CSF1R: variants seen among roughly 807,000 people sequenced by gnomAD.
CSF1R encodes colony stimulating factor 1 receptor.
In CSF1R, 40 loss-of-function variants were observed where a neutral mutation model predicts 110.0. That is an observed-to-expected ratio of 0.36 (90% CI 0.28 to 0.47). The LOEUF is 0.47. CSF1R is among the 20% of genes least tolerant of loss of function. The pLI, the probability that CSF1R is intolerant of heterozygous loss-of-function variation, is 0.99. For missense variants in CSF1R, 1,052 were observed against 1,253.0 expected, an observed-to-expected ratio of 0.84 and a Z score of 2.42; for synonymous variants, 523 against 503.4, an observed-to-expected ratio of 1.04 and a Z score of -0.52.
upstream of CSF1R, among the ~76,000 whole-genome samples, chr5:150,089,991 T>C (rs570288549): frequency 6.6e-6 from 1 of 152,144 alleles, no homozygotes; most frequent in East Asian, 1.9e-4. Context: ...AAGAATGAAG[T>C]TGAATCCTTA....
At position 150,056,245 on chromosome 5, in the gene CSF1R, C is replaced by T. The variant is rs748825247; in HGVS notation, c.2416G>A (p.Asp806Asn). The T allele has an allele frequency of 1.2e-6, 2 of 1,614,194 alleles. No homozygotes were observed. Among genetic ancestry groups the T allele is most frequent in the East Asian group, 4.5e-5 (2 of 44,872 alleles). The change falls in exon 17 of 21, where the codon GAC becomes AAC. Residue 806 changes from aspartate to asparagine, a missense_variant. Physicochemically the swap from Asp to Asn is conservative, Grantham distance 23. Transcript: ENST00000675795. ...TTGCCCTTGACAATGTAGTTGGAGT[C>T]ATTCATGATGTCCCTAGCCAGCCCG... ...DFGLARDIMN[D>N]SNYIVKGNAR... is the part of the protein sequence containing the mutation.
At chr5:150,057,737 G>C in intron 14 of CSF1R, 145 bp from the exon 15 acceptor site, 1 of 643,362 alleles carries the variant, frequency 1.6e-6, no homozygotes. Context: ...ATCTGAGTGA[G>C]CATTGGTCTC....
chr5:150,097,087 C>T (rs1224811609), intron 1 of CSF1R, among the ~76,000 whole-genome samples: 2 of 152,124 alleles, frequency 1.3e-5, no homozygotes, highest in African/African-American at 2.4e-5. Context: ...CATAGGCAGA[C>T]CCTGTCTCTA....
chr5:150,067,898 A>T (rs1757844637), intron 10 of CSF1R, among the ~76,000 whole-genome samples: 2 of 152,068 alleles, frequency 1.3e-5, no homozygotes, highest in African/African-American at 4.8e-5. Flanking sequence ...TGTATCACCC[A>T]GGCTGGTCCC....
chr5:150,086,228 T>C (rs1758839866), intron 1 of CSF1R, 151 bp downstream of exon 1: 9 of 735,470 alleles, frequency 1.2e-5, no homozygotes, highest in Non-Finnish European at 2.1e-5. Flanking sequence ...CCACTACCTC[T>C]CCAAAGCAGA....
rs1759283172 is a variant in CSF1R at position 150,098,131 on chromosome 5, T to A, written c.-180-11524A>T. 2.0e-5 allele frequency among the ~76,000 whole-genome samples: 3 copies of A among 152,182 alleles called. No individual in the cohort carries two copies. The South Asian group carries it at 6.2e-4, about 32-fold the overall frequency. ...TGACAAAGTTGCAAAAGTAATTAAA[T>A]GAATAAAGAATAGGCATTCCAAAAA... On this transcript the variant is annotated intron_variant, in intron 1 of 21. Transcript: ENST00000286301.
At chr5:150,092,609 A>T (rs1001662202) in intron 1 of CSF1R, among the ~76,000 whole-genome samples, 4 of 152,188 alleles carry the variant, frequency 2.6e-5, no homozygotes, top group Non-Finnish European at 4.4e-5. Flanking sequence ...ATCCAACATG[A>T]TGGCAGGCAA....
chr5:150,104,188 A>C (rs1203940847), intron 1 of CSF1R, among the ~76,000 whole-genome samples: 1 of 152,180 alleles, frequency 6.6e-6, no homozygotes, highest in East Asian at 1.9e-4. Context: ...GCTTTCATGC[A>C]ATTCTCACCA....
chr5:150,086,684 G>A (rs1758861704), upstream of CSF1R: 3 of 447,358 alleles, frequency 6.7e-6, no homozygotes, highest in African/African-American at 3.9e-5. Context: ...AAGAGGGAGG[G>A]GTCGCAGTCT....
intron 1 of CSF1R, among the ~76,000 whole-genome samples, chr5:150,082,294 C>T (rs1343620931): frequency 1.3e-5 from 2 of 152,236 alleles, no homozygotes; most frequent in Non-Finnish European, 2.9e-5. Context: ...CTGCAAACCC[C>T]CTTGAAATGG....
At chr5:150,063,640 G>A (rs534360240) in intron 10 of CSF1R, among the ~76,000 whole-genome samples, 1 of 152,196 alleles carries the variant, frequency 6.6e-6, no homozygotes, top group South Asian at 2.1e-4. Context: ...AGCCAGGGGA[G>A]GCAAGCCCTG....
chr5:150,098,513 A>G (rs1192643907), intron 1 of CSF1R: 1 of 152,416 alleles, frequency 6.6e-6, no homozygotes, highest in Non-Finnish European at 1.5e-5. Context: ...TTAAAAAGTA[A>G]ATCTATAAAT....
intron 5 of CSF1R, among the ~76,000 whole-genome samples, chr5:150,076,330 CTAT>C (rs1758258123): frequency 1.7e-4 from 4 of 23,592 alleles, no homozygotes; most frequent in Middle Eastern, 0.019. Flanking sequence ...TCCTATCTAT[CTAT>C]CTATCTATCT....
rs958142868 is a variant in CSF1R, at chr5:150,069,899, G to A, written c.1484C>T (p.Ser495Phe). 6.2e-7 allele frequency: 1 copy of A among 1,613,480 alleles called. No individual in the cohort carries two copies. Among genetic ancestry groups the A allele is most frequent in the African/African-American group, 1.3e-5 (1 of 74,986 alleles). ...TGCAGAGATGGGTATGAAGGCCCAG[G>A]AGCCACTCCCCACGCTGTTGTGGGC... ...CRAHNSVGSGSWAFIPISAGA... is the reference protein window; with the variant it reads ...CRAHNSVGSGFWAFIPISAGA... The change falls in exon 9 of 21, where the codon TCC becomes TTC. Residue 495 changes from serine (S) to phenylalanine (F), a missense_variant. Physicochemically the swap from Ser to Phe is radical, Grantham distance 155. Around this residue, in one of 5 missense-constraint regions of CSF1R, gnomAD observed 693 missense variants for 735.4 expected, o/e 0.94. Transcript: ENST00000675795.
intron 1 of CSF1R, among the ~76,000 whole-genome samples, chr5:150,083,630 C>G (rs1407390231): frequency 6.6e-6 from 1 of 152,090 alleles, no homozygotes; most frequent in African/African-American, 2.4e-5. Flanking sequence ...GCCCCCCTCC[C>G]ACACACCATG....
chr5:150,093,697 G>A (rs1254273190), intron 1 of CSF1R, among the ~76,000 whole-genome samples: 4 of 152,198 alleles, frequency 2.6e-5, no homozygotes, highest in Non-Finnish European at 5.9e-5. Context: ...CAATAGACAT[G>A]CTAATTACCC....
At chr5:150,064,360 C>A (rs1561917093) in intron 10 of CSF1R, among the ~76,000 whole-genome samples, 1 of 152,216 alleles carries the variant, frequency 6.6e-6, no homozygotes, top group Non-Finnish European at 1.5e-5. Context: ...TCAGGAAGAA[C>A]TTCTAGCTGG....
rs754030029 is a variant in CSF1R at position 150,054,193 on chromosome 5, C to T, written c.2795G>A (p.Ser932Asn). Reference sequence around the variant, plus strand: ...ACTGCTGCTGCTGCCGCTGCCACCGCTTCTGCTGCTGCTCGGCAGATTGGT... The same window carrying T: ...ACTGCTGCTGCTGCCGCTGCCACCGTTTCTGCTGCTGCTCGGCAGATTGGT... ...DYTNLPSSSRSGGSGSSSSEL... is the reference protein window; with the variant it reads ...DYTNLPSSSRNGGSGSSSSEL... Residue 932 changes from serine to asparagine, a missense_variant, in exon 21 of 21, where the codon AGC (serine) becomes AAC (asparagine). By Grantham distance (46) the Ser-to-Asn change is conservative. This residue lies in a region of CSF1R where 85 missense variants were observed against 78.8 expected (regional missense o/e 1.08). Transcript: ENST00000675795. 2.5e-6 allele frequency: 4 copies of T among 1,611,782 alleles called. No homozygotes were observed. The South Asian group carries it at 4.4e-5, about 18-fold the overall frequency.
chr5:150,084,851 G>T (rs1467375283), intron 1 of CSF1R, among the ~76,000 whole-genome samples: 1 of 152,208 alleles, frequency 6.6e-6, no homozygotes, highest in East Asian at 1.9e-4. Flanking sequence ...TGTAAGGATA[G>T]GACAAGGCAG....
Sources: gnomAD v4.1 joint callset for allele counts (sites outside exome capture counted in the v4.1 genomes callset) on GRCh38, gnomAD v4.1.1 for gene constraint, gnomAD v4.1.1 regional missense constraint, MANE v1.5 for transcripts, NCBI Gene and HGNC (gene_info 2026-07-23, HGNC 2026-07-21) for gene names.